The following SNX29 variants were observed in gnomAD, a reference collection of about 807,000 sequenced individuals.
The protein encoded by SNX29 is sorting nexin-29.
Under a neutral mutation model 102.1 loss-of-function variants are expected in SNX29, and 78 were observed. That is an observed-to-expected ratio of 0.76 (90% CI 0.64 to 0.92). SNX29 has a LOEUF of 0.92. Among genes scored for constraint, SNX29 ranks in the 40% least tolerant of loss-of-function variants. The pLI is 0.00. For synonymous variants in SNX29, 580 were observed against 414.5 expected, an observed-to-expected ratio of 1.40 and a Z score of -4.85; for missense variants, 1,280 against 1,061.7, an observed-to-expected ratio of 1.21 and a Z score of -2.86.
At chr16:12,455,242 A>G (rs193200575) in intron 18 of SNX29, among the ~76,000 whole-genome samples, 51 of 152,068 alleles carry the variant, frequency 3.4e-4, no homozygotes, top group African/African-American at 1.2e-3. Context: ...TTGGGTGGCA[A>G]GTTAGAGCTT....
chr16:12,265,970 C>T (rs887723525), intron 14 of SNX29, among the ~76,000 whole-genome samples: 1 of 152,104 alleles, frequency 6.6e-6, no homozygotes, highest in East Asian at 1.9e-4. Context: ...TTAATTCTCA[C>T]AAGAGTTACC....
At chr16:12,146,155 TATAG>T (rs1567248478) in intron 13 of SNX29, among the ~76,000 whole-genome samples, 2 of 152,244 alleles carry the variant, frequency 1.3e-5, no homozygotes, top group Non-Finnish European at 2.9e-5. Flanking sequence ...AGTGTGAGCT[TATAG>T]ATAAAGGCTG....
chr16:12,458,755 C>T (rs2086642513), intron 18 of SNX29, among the ~76,000 whole-genome samples: 1 of 152,124 alleles, frequency 6.6e-6, no homozygotes, highest in African/African-American at 2.4e-5. Context: ...AATCCACTCC[C>T]CTTCTCTTCC....
chr16:12,539,855 A>G (rs1350972144), intron 20 of SNX29, among the ~76,000 whole-genome samples: 1 of 152,210 alleles, frequency 6.6e-6, no homozygotes, highest in Non-Finnish European at 1.5e-5. Flanking sequence ...GTAAGTGTCC[A>G]AGTATTTTGC....
At chr16:12,281,669 A>G (rs148680179) in intron 15 of SNX29, among the ~76,000 whole-genome samples, 67 of 152,220 alleles carry the variant, frequency 4.4e-4, no homozygotes, top group African/African-American at 1.5e-3. Context: ...AGATGAACAT[A>G]TGTGATCCTG....
At chr16:12,206,308 C>T (rs1167873158) in intron 14 of SNX29, among the ~76,000 whole-genome samples, 1 of 136,160 alleles carries the variant, frequency 7.3e-6, no homozygotes. Context: ...TTTTTTCTTT[C>T]TTTCTTCAGT....
rs71139590 is a variant in SNX29 at position 12,421,853 on chromosome 16, ATCCATCACCATCACCAGCCG to A, written c.2037+18378_2037+18397del. On this transcript the variant is annotated intron_variant, in intron 18 of 20. Transcript: ENST00000566228. ...TAGCCATGCATCACCATCACCAGCC[ATCCATCACCATCACCAGCCG>A]TCCATCACCATCACCAGCCGTCCAT... Among the ~76,000 whole-genome samples, 348 of 150,864 alleles carry A rather than the reference ATCCATCACCATCACCAGCCG, an allele frequency of 2.3e-3. 1 individual carries two copies. The highest frequency in any genetic ancestry group is 5.5e-3 in the African/African-American group (221 of 40,466).
At chr16:12,563,067 G>A (rs575812870) in intron 20 of SNX29, among the ~76,000 whole-genome samples, 1 of 152,146 alleles carries the variant, frequency 6.6e-6, no homozygotes, top group South Asian at 2.1e-4. Flanking sequence ...GTAGGTACTG[G>A]AAGAGAAATC....
intron 11 of SNX29, among the ~76,000 whole-genome samples, chr16:12,121,493 G>C (rs1331712292): frequency 1.3e-5 from 2 of 152,232 alleles, no homozygotes; most frequent in African/African-American, 4.8e-5. Context: ...CCTTGGCTGT[G>C]GTGGTGCAGC....
intron 11 of SNX29, among the ~76,000 whole-genome samples, chr16:12,112,821 G>T (rs2053552287): frequency 6.6e-6 from 1 of 152,182 alleles, no homozygotes; most frequent in Non-Finnish European, 1.5e-5. Context: ...TACCTGCACT[G>T]GGTACAGCTG....
intron 13 of SNX29, among the ~76,000 whole-genome samples, chr16:12,149,860 C>T (rs1328177068): frequency 6.6e-6 from 1 of 152,150 alleles, no homozygotes; most frequent in African/African-American, 2.4e-5. Flanking sequence ...ACTCAAGGAT[C>T]ACAGAGACAT....
At chr16:12,288,409 G>T (rs1158642559) in intron 15 of SNX29, among the ~76,000 whole-genome samples, 1 of 152,150 alleles carries the variant, frequency 6.6e-6, no homozygotes. Flanking sequence ...CTACAAATGT[G>T]ACTGCAAAAC....
At chr16:12,232,015 T>C (rs535856564) in intron 14 of SNX29, among the ~76,000 whole-genome samples, 58 of 152,346 alleles carry the variant, frequency 3.8e-4, no homozygotes, top group Non-Finnish European at 7.1e-4. Flanking sequence ...TTTGTTTTAA[T>C]GGATTCGTAA....
intron 8 of SNX29, chr16:12,052,673 T>G: frequency 5.4e-6 from 1 of 185,448 alleles, no homozygotes; most frequent in Non-Finnish European, 1.1e-5. Flanking sequence ...TATTTGCTCT[T>G]CCCCTGAGAA....
rs111389825 is a variant in SNX29, at chr16:12,545,983, G to A, written c.2318+21142G>A. On this transcript the variant is annotated intron_variant, in intron 20 of 20. Transcript: ENST00000566228. ...CAGGATGTGTGCTTCAGTGGGCACT[G>A]TAGTTTGAACACCTGGATGCCAAAA... Among the ~76,000 whole-genome samples the A allele has an allele frequency of 1.2e-3, 177 of 152,280 alleles. 1 individual carries two copies. The highest frequency in any genetic ancestry group is 0.01 in the Middle Eastern group (3 of 294).
intron 16 of SNX29, among the ~76,000 whole-genome samples, chr16:12,390,371 C>G (rs981196148): frequency 2.0e-5 from 3 of 152,112 alleles, no homozygotes; most frequent in African/African-American, 7.2e-5. Context: ...CAGGCTCCTC[C>G]CAGATGCCTC....
At chr16:12,321,423 A>G (rs2080926829) in intron 15 of SNX29, among the ~76,000 whole-genome samples, 1 of 152,146 alleles carries the variant, frequency 6.6e-6, no homozygotes, top group African/African-American at 2.4e-5. Flanking sequence ...CTGGAATCAC[A>G]GTGATTCCCA....
intron 18 of SNX29, among the ~76,000 whole-genome samples, chr16:12,408,057 C>A (rs886584033): frequency 6.6e-6 from 1 of 152,058 alleles, no homozygotes; most frequent in Non-Finnish European, 1.5e-5. Context: ...ACTGGGGAGG[C>A]TGAGGCAGGA....
intron 14 of SNX29, among the ~76,000 whole-genome samples, chr16:12,219,277 T>TTTG (rs1345165636): frequency 6.6e-6 from 1 of 152,032 alleles, no homozygotes; most frequent in Non-Finnish European, 1.5e-5. Flanking sequence ...TTTTTTGATG[T>TTTG]AACATCTTCT....
Sources: allele counts gnomAD v4.1 joint callset (sites outside exome capture counted in the v4.1 genomes callset), GRCh38; gene constraint gnomAD v4.1.1; transcripts MANE v1.5; gene names NCBI Gene and HGNC (gene_info 2026-07-23, HGNC 2026-07-21).